The following N4BP3 variants were observed in gnomAD, a reference collection of about 807,000 sequenced individuals.
The protein encoded by N4BP3 is NEDD4 binding protein 3, also known as NEDD4-binding protein 3.
A neutral mutation model predicts 43.8 loss-of-function variants in N4BP3; 33 were observed. The observed-to-expected ratio is 0.75, with a 90% confidence interval of 0.57 to 1.01. The LOEUF is 1.01. Among genes scored for constraint, N4BP3 ranks in the 50% least tolerant of loss-of-function variants. The pLI, the probability that N4BP3 is intolerant of heterozygous loss-of-function variation, is 0.00. For missense variants in N4BP3, 756 were observed against 744.2 expected (o/e 1.02, Z -0.18); for synonymous variants, 326 against 321.9 (o/e 1.01, Z -0.14).
rs969143528 is a variant in N4BP3 at position 178,121,643 on chromosome 5, T to A, written c.1277T>A (p.Val426Glu). Reference sequence around the variant, plus strand: ...GAGCTGGTCCGGCTGCGCGAGGCTGTGCGCAGCCTGCAGGAGCAGGCCCCT... The same window carrying A: ...GAGCTGGTCCGGCTGCGCGAGGCTGAGCGCAGCCTGCAGGAGCAGGCCCCT... ...DAELVRLREA[V>E]RSLQEQAPRE... Residue 426 changes from valine (V) to glutamate (E), a missense_variant, in exon 5 of 5, where the codon GTG becomes GAG. Physicochemically the swap from Val to Glu is moderately radical, Grantham distance 121. Coordinates refer to ENST00000274605, the MANE Select transcript of N4BP3 (RefSeq NM_015111.2). 1 of 1,612,430 alleles carries A rather than the reference T, an allele frequency of 6.2e-7. No homozygotes were observed. Among genetic ancestry groups the A allele is most frequent in the Non-Finnish European group, 8.5e-7 (1 of 1,179,824 alleles).
chr5:178,115,895 GA>G (rs1408584232), intron 1 of N4BP3, among the ~76,000 whole-genome samples: 4 of 152,230 alleles, frequency 2.6e-5, no homozygotes, highest in Non-Finnish European at 5.9e-5. Flanking sequence ...GGGGACTGGA[GA>G]GGGGTGAGGG....
At chr5:178,120,842 T>G (rs1757903575) in intron 3 of N4BP3, 143 bp downstream of exon 3, 3 of 1,251,112 alleles carry the variant, frequency 2.4e-6, no homozygotes, top group East Asian at 5.1e-5. Flanking sequence ...TTCCTTCCTC[T>G]GCATCCCAGG....
chr5:178,115,186 A>C (rs1022605421), intron 1 of N4BP3, among the ~76,000 whole-genome samples: 5 of 152,150 alleles, frequency 3.3e-5, no homozygotes, highest in African/African-American at 1.2e-4. Context: ...CTGAGAAAAA[A>C]CTGTAGACTG....
intron 1 of N4BP3, among the ~76,000 whole-genome samples, chr5:178,116,489 G>T (rs538909997): frequency 6.6e-6 from 1 of 152,302 alleles, no homozygotes; most frequent in South Asian, 2.1e-4. Context: ...TGGGGGCTGG[G>T]AAGGACACTA....
In N4BP3 at chr5:178,121,975, C is replaced by T. The variant is rs761067222; in HGVS notation, c.1609C>T (p.Pro537Ser). The change falls in exon 5 of 5, where the codon CCC becomes TCC. Residue 537 changes from proline (P) to serine (S), a missense_variant. Pro to Ser is a moderately conservative substitution (Grantham distance 74). Coordinates refer to ENST00000274605, the MANE Select transcript of N4BP3 (RefSeq NM_015111.2). ...GCGGGAGCCCCCCACACCCTGGAGT[C>T]CCCGGCTCGAGTCCTCCAAGATCTG... is the stretch of plus-strand genomic sequence containing the variant. ...ALREPPTPWSPRLESSKI is the reference protein window; with the variant it reads ...ALREPPTPWSSRLESSKI The T allele has an allele frequency of 6.2e-7, 1 of 1,602,298 alleles. No individual in the cohort carries two copies. Among genetic ancestry groups the T allele is most frequent in the East Asian group, 2.2e-5 (1 of 44,762 alleles).
In N4BP3 at chr5:178,121,258, G is replaced by A. The variant is rs776686775; in HGVS notation, c.1013G>A (p.Arg338Gln). Residue 338 changes from arginine to glutamine, a missense_variant, in exon 4 of 5, where the codon CGG (arginine) becomes CAG (glutamine). Arg to Gln is a conservative substitution (Grantham distance 43). Transcript: ENST00000274605. ...CAGCGGCGCCTGCGCAAGGAGCTGC[G>A]GGCTCAGCAGGGCCTGGCTCCGGAG... ...QEQRRLRKEL[R>Q]AQQGLAPEPR... 139 of 1,605,700 alleles carry A rather than the reference G, an allele frequency of 8.7e-5. No individual in the cohort carries two copies. The highest frequency in any genetic ancestry group is 1.7e-5 in the Admixed American group (1 of 58,962).
Position 178,121,279 on chromosome 5 carries a change from C to G in N4BP3, c.1034C>G (p.Pro345Arg). 1 of 1,605,958 alleles carries G rather than the reference C, an allele frequency of 6.2e-7. No homozygotes were observed. Reference protein sequence around the residue: ...KELRAQQGLAPEPRAPGTLPE... With the variant: ...KELRAQQGLAREPRAPGTLPE... ...CTGCGGGCTCAGCAGGGCCTGGCTC[C>G]GGAGCCTCGGGCCCCCGGCACCCTC... The change falls in exon 4 of 5, where the codon CCG becomes CGG. Residue 345 changes from proline (P) to arginine (R), a missense_variant. Pro to Arg is a moderately radical substitution (Grantham distance 103). Coordinates refer to ENST00000274605, the MANE Select transcript of N4BP3 (RefSeq NM_015111.2).
Position 178,122,196 on chromosome 5 carries a change from C to G in N4BP3, c.*195C>G, listed in dbSNP as rs1197585887. 7 of 636,332 alleles carry G rather than the reference C, an allele frequency of 1.1e-5. No homozygotes were observed. The East Asian group carries it at 2.0e-4, about 18-fold the overall frequency. 39.4% of individuals were successfully genotyped at this position (636,332 alleles called of 1,614,324 possible). On this transcript the variant is annotated 3_prime_UTR_variant, in exon 5 of 5. Coordinates refer to ENST00000274605, the MANE Select transcript of N4BP3 (RefSeq NM_015111.2). ...TGGCAGGAGCCAGGACAAGGCCCTC[C>G]TGGCAGAGGAGCACCTAGGCAGGGC...
rs747988073 is a variant in N4BP3 at position 178,121,291 on chromosome 5, C to T, written c.1046C>T (p.Ala349Val). The T allele has an allele frequency of 1.9e-6, 3 of 1,604,918 alleles. No homozygotes were observed. Among genetic ancestry groups the T allele is most frequent in the Admixed American group, 1.7e-5 (1 of 59,456 alleles). The change falls in exon 4 of 5, where the codon GCC becomes GTC. Residue 349 changes from alanine to valine, a missense_variant. Ala to Val is a moderately conservative substitution (Grantham distance 64, BLOSUM62 0). Coordinates refer to ENST00000274605, the MANE Select transcript of N4BP3 (RefSeq NM_015111.2). ...AQQGLAPEPR[A>V]PGTLPEADPS... is the part of the protein sequence containing the mutation. ...CAGGGCCTGGCTCCGGAGCCTCGGG[C>T]CCCCGGCACCCTCCCAGAGGCTGAC...
At chr5:178,116,590 G>A (rs995549326) in intron 1 of N4BP3, among the ~76,000 whole-genome samples, 6 of 152,194 alleles carry the variant, frequency 3.9e-5, no homozygotes, top group African/African-American at 1.4e-4. Context: ...GCTGCTGGAC[G>A]TGACCGTCTG....
chr5:178,124,126 A>AG lies in N4BP3; in HGVS notation c.*2129dup, dbSNP rs1469491309. 6.5e-6 allele frequency: 1 copy of AG among 152,772 alleles called. No homozygotes were observed. The highest frequency in any genetic ancestry group is 1.5e-5 in the Non-Finnish European group (1 of 68,122). 9.5% of individuals were successfully genotyped at this position (152,772 alleles called of 1,614,324 possible). A position where few individuals can be genotyped will look rare whatever the true frequency, so the allele number is the denominator to read the frequency against. ...TGCCTTGATCACAGCCTCCATGGCCAGGGGCCTGTCAAGCCAGGGGCCCAC... is the reference window on the plus strand; with the variant it reads ...TGCCTTGATCACAGCCTCCATGGCCAGGGGGCCTGTCAAGCCAGGGGCCCAC... On this transcript the variant is annotated 3_prime_UTR_variant, in exon 5 of 5. Transcript: ENST00000274605.
rs113880397 is a variant in N4BP3 at position 178,118,035 on chromosome 5, C to T, written c.-30-1519C>T. ...GTAGGGGACCCACAGCTGCAGCTGG[C>T]CTGCTGGGCTTCTGTTCGAGAATGG... On this transcript the variant is annotated intron_variant, in intron 1 of 4. Transcript: ENST00000274605. The surrounding 1 kb of genome is among the most constrained non-coding windows in gnomAD (Gnocchi z 5.4). 7.5e-3 allele frequency among the ~76,000 whole-genome samples: 1,143 copies of T among 152,278 alleles called. 20 individuals carry two copies. Among genetic ancestry groups the T allele is most frequent in the African/African-American group, 0.026 (1,079 of 41,546 alleles).
At position 178,119,843 on chromosome 5, in the gene N4BP3, A is replaced by G; in HGVS notation, c.260A>G (p.Tyr87Cys). 1 of 1,612,986 alleles carries G rather than the reference A, an allele frequency of 6.2e-7. No individual in the cohort carries two copies. The highest frequency in any genetic ancestry group is 8.5e-7 in the Non-Finnish European group (1 of 1,179,966). Reference sequence around the variant, plus strand: ...GAGCCTGCCGACTATGCCACCCTCTACTACCGGGAACATTCTCGCGCGGGT... The same window carrying G: ...GAGCCTGCCGACTATGCCACCCTCTGCTACCGGGAACATTCTCGCGCGGGT... The part of the protein sequence containing the change: ...RNEPADYATL[Y>C]YREHSRAGDF... Residue 87 changes from tyrosine (Y) to cysteine (C), a missense_variant, in exon 2 of 5, where the codon TAC (tyrosine) becomes TGC (cysteine). Transcript: ENST00000274605.
chr5:178,119,769 CAAG>C lies in N4BP3; in HGVS notation c.190_192del (p.Lys64del), dbSNP rs771415879. The C allele has an allele frequency of 6.2e-7, 1 of 1,613,650 alleles. No individual in the cohort carries two copies. The highest frequency in any genetic ancestry group is 2.2e-5 in the East Asian group (1 of 44,886). On this transcript the variant is annotated inframe_deletion, in exon 2 of 5. Transcript: ENST00000274605. ...AGTTCCTCAGCTACCTGCACCTCCC[CAAG>C]AAGGACAGCAAGAGCACCAAGAACA...
Position 178,121,364 on chromosome 5 carries a change from C to T in N4BP3, c.1107+12C>T, listed in dbSNP as rs1404624943. 5 of 1,604,562 alleles carry T rather than the reference C, an allele frequency of 3.1e-6. No individual in the cohort carries two copies. The highest frequency in any genetic ancestry group is 2.2e-5 in the East Asian group (1 of 44,730). Reference sequence around the variant, plus strand: ...AAGCCCGATGGGAGGTGAGAGATGACACAGGGCTCCGAGACTCTCCCATCT... The same window carrying T: ...AAGCCCGATGGGAGGTGAGAGATGATACAGGGCTCCGAGACTCTCCCATCT... On this transcript the variant is annotated intron_variant, in intron 4 of 4. Coordinates refer to ENST00000274605, the MANE Select transcript of N4BP3 (RefSeq NM_015111.2).
intron 3 of N4BP3, 38 bp from the exon 4 acceptor site, chr5:178,121,060 G>A (rs777851447): frequency 2.5e-6 from 4 of 1,584,920 alleles, no homozygotes; most frequent in Admixed American, 3.4e-5. Context: ...GCCTCTAGGG[G>A]GCAGGGCCAC....
Position 178,120,301 on chromosome 5 carries a change from C to G in N4BP3, c.454C>G (p.Leu152Val), listed in dbSNP as rs1324889223. 6.2e-7 allele frequency: 1 copy of G among 1,609,028 alleles called. No homozygotes were observed. The highest frequency in any genetic ancestry group is 1.7e-5 in the Admixed American group (1 of 59,694). Reference protein sequence around the residue: ...LWRSNGSLHTLACHPPLSPGP... With the variant: ...LWRSNGSLHTVACHPPLSPGP... ...GCGCAGCAATGGCAGCCTGCACACG[C>G]TGGCCTGCCACCCGCCCCTGAGCCC... The change falls in exon 3 of 5, where the codon CTG becomes GTG. Residue 152 changes from leucine (L) to valine (V), a missense_variant. Leu to Val is a conservative substitution (Grantham distance 32). Coordinates refer to ENST00000274605, the MANE Select transcript of N4BP3 (RefSeq NM_015111.2).
At chr5:178,115,195 T>A (rs1190935798) in intron 1 of N4BP3, among the ~76,000 whole-genome samples, 1 of 152,218 alleles carries the variant, frequency 6.6e-6, no homozygotes, top group African/African-American at 2.4e-5. Context: ...AACTGTAGAC[T>A]GCGGTGCAGC....
chr5:178,119,144 G>A (rs975047601), intron 1 of N4BP3, among the ~76,000 whole-genome samples: 6 of 152,164 alleles, frequency 3.9e-5, no homozygotes, highest in African/African-American at 7.2e-5. Flanking sequence ...GATTACAGGC[G>A]TGAGCCACCG....
Sources: allele counts gnomAD v4.1 joint callset (sites outside exome capture counted in the v4.1 genomes callset), GRCh38; gene constraint gnomAD v4.1.1; non-coding constraint Gnocchi (gnomAD v3.1); transcripts MANE v1.5; gene names NCBI Gene and HGNC (gene_info 2026-07-23, HGNC 2026-07-21).